PDE3A: variants seen among roughly 807,000 people sequenced by gnomAD.
The protein encoded by PDE3A is phosphodiesterase 3A, also known as cGMP-inhibited 3',5'-cyclic phosphodiesterase 3A.
PDE3A carries 43 observed loss-of-function variants against 98.3 expected under a neutral mutation model. That is an observed-to-expected ratio of 0.44 (90% CI 0.34 to 0.56). PDE3A has a LOEUF of 0.56. PDE3A is among the 20% of genes least tolerant of loss of function. The pLI is 0.01. For missense variants in PDE3A, 1,427 were observed against 1,440.7 expected (o/e 0.99, Z 0.15); for synonymous variants, 663 against 567.9 (o/e 1.17, Z -2.38).
At chr12:20,471,227 G>A (rs1190504381) in intron 1 of PDE3A, among the ~76,000 whole-genome samples, 2 of 152,094 alleles carry the variant, frequency 1.3e-5, no homozygotes, top group Admixed American at 6.6e-5. Flanking sequence ...ATTTTGTAAC[G>A]TACTCTTAGG....
intron 1 of PDE3A, among the ~76,000 whole-genome samples, chr12:20,409,670 A>G (rs1472132294): frequency 6.6e-6 from 1 of 152,182 alleles, no homozygotes; most frequent in East Asian, 1.9e-4. Flanking sequence ...ATGATTTTTT[A>G]ATAGTCTTTC....
intron 1 of PDE3A, among the ~76,000 whole-genome samples, chr12:20,491,863 T>TA: frequency 6.6e-6 from 1 of 152,338 alleles, no homozygotes; most frequent in Middle Eastern, 3.4e-3. Flanking sequence ...TGTCCAATGT[T>TA]ACTGCGTTTT....
At chr12:20,426,028 C>G (rs1408115525) in intron 1 of PDE3A, among the ~76,000 whole-genome samples, 1 of 152,068 alleles carries the variant, frequency 6.6e-6, no homozygotes, top group African/African-American at 2.4e-5. Flanking sequence ...TAGGGACTGG[C>G]ACATATTCAA....
intron 2 of PDE3A, among the ~76,000 whole-genome samples, chr12:20,586,918 T>C (rs1943210977): frequency 6.6e-6 from 1 of 152,206 alleles, no homozygotes; most frequent in African/African-American, 2.4e-5. Context: ...TATGTATTTT[T>C]TTTACCTTCA....
intron 2 of PDE3A, among the ~76,000 whole-genome samples, chr12:20,597,791 C>T (rs145127722): frequency 6.6e-6 from 1 of 152,202 alleles, no homozygotes; most frequent in Admixed American, 6.5e-5. Context: ...AGCCCTGATT[C>T]ATTCATCTCT....
At chr12:20,622,538 T>C (rs1944162357) in intron 5 of PDE3A, among the ~76,000 whole-genome samples, 1 of 152,138 alleles carries the variant, frequency 6.6e-6, no homozygotes, top group African/African-American at 2.4e-5. Flanking sequence ...TCTTTAGAAA[T>C]GTTCATTAAA....
intron 13 of PDE3A, among the ~76,000 whole-genome samples, chr12:20,649,469 TG>T (rs1343786590): frequency 6.6e-6 from 1 of 152,208 alleles, no homozygotes; most frequent in African/African-American, 2.4e-5. Context: ...TTGTGGTTTT[TG>T]TTTGATTTAA....
intron 1 of PDE3A, among the ~76,000 whole-genome samples, chr12:20,543,735 G>A (rs1042847678): frequency 1.1e-4 from 16 of 151,876 alleles, no homozygotes; most frequent in South Asian, 8.3e-4. Context: ...TGAATTTTAC[G>A]TTTCTCAATG....
intron 13 of PDE3A, among the ~76,000 whole-genome samples, chr12:20,649,507 G>T (rs1027419538): frequency 3.3e-5 from 5 of 152,042 alleles, no homozygotes; most frequent in African/African-American, 1.2e-4. Flanking sequence ...CGGTATATTT[G>T]TATAAATTAT....
chr12:20,672,951 C>T (rs1341174788), intron 15 of PDE3A, among the ~76,000 whole-genome samples: 60 of 149,670 alleles, frequency 4.0e-4, no homozygotes, highest in Non-Finnish European at 7.6e-4. Flanking sequence ...ACCTACTCAT[C>T]TGACAAAGGG....
chr12:20,547,495 C>A (rs1044578942), intron 1 of PDE3A, among the ~76,000 whole-genome samples: 1 of 152,112 alleles, frequency 6.6e-6, no homozygotes, highest in Non-Finnish European at 1.5e-5. Context: ...CCTTTACATC[C>A]TTATATGTAT....
intron 5 of PDE3A, among the ~76,000 whole-genome samples, chr12:20,625,925 C>T (rs1202727589): frequency 1.3e-5 from 2 of 152,082 alleles, no homozygotes; most frequent in African/African-American, 4.8e-5. Flanking sequence ...TGAGCTATGT[C>T]TTCTTCCTGG....
chr12:20,676,498 C>CTTTTTTTT (rs60887487), intron 15 of PDE3A, among the ~76,000 whole-genome samples: 1 of 109,218 alleles, frequency 9.2e-6, no homozygotes, highest in Admixed American at 1.1e-4. Context: ...ATGTCTTTGA[C>CTTTTTTTT]TTTTTTTTTT....
chr12:20,408,885 T>G (rs1329057684), intron 1 of PDE3A, among the ~76,000 whole-genome samples: 1 of 152,228 alleles, frequency 6.6e-6, no homozygotes, highest in East Asian at 1.9e-4. Flanking sequence ...GCACAGTTTT[T>G]GAGTGCAATG....
intron 15 of PDE3A, among the ~76,000 whole-genome samples, chr12:20,662,571 C>T (rs4609648): frequency 2.1e-3 from 324 of 152,236 alleles, no homozygotes; most frequent in African/African-American, 7.2e-3. Context: ...TGCTCTAGCC[C>T]TAGAGATCTG....
intron 1 of PDE3A, among the ~76,000 whole-genome samples, chr12:20,486,003 C>A (rs1285608186): frequency 6.6e-6 from 1 of 152,278 alleles, no homozygotes; most frequent in East Asian, 1.9e-4. Context: ...TTTAGTGTTT[C>A]TCCTAATAAA....
intron 1 of PDE3A, among the ~76,000 whole-genome samples, chr12:20,465,716 T>A (rs1360610933): frequency 4.6e-5 from 7 of 152,104 alleles, no homozygotes; most frequent in Admixed American, 4.6e-4. Context: ...GCCAGTACTT[T>A]TATTTTAAAA....
chr12:20,652,795 G>A (rs1944950899), intron 14 of PDE3A, among the ~76,000 whole-genome samples: 1 of 152,120 alleles, frequency 6.6e-6, no homozygotes, highest in South Asian at 2.1e-4. Flanking sequence ...AACACCAAAA[G>A]CAATGGCAAC....
intron 1 of PDE3A, among the ~76,000 whole-genome samples, chr12:20,550,904 TTAG>T (rs1313739367): frequency 6.6e-6 from 1 of 151,764 alleles, no homozygotes; most frequent in Admixed American, 6.6e-5. Flanking sequence ...GGATAAACAA[TTAG>T]TAGCACATTA....
Sources: gnomAD v4.1 joint callset for allele counts (sites outside exome capture counted in the v4.1 genomes callset) on GRCh38, gnomAD v4.1.1 for gene constraint, MANE v1.5 for transcripts, NCBI Gene and HGNC (gene_info 2026-07-23, HGNC 2026-07-21) for gene names.